The following ABCG5 variants were observed in gnomAD, a reference collection of about 807,000 sequenced individuals.
ABCG5 encodes ATP-binding cassette sub-family G member 5.
ABCG5 carries 64 observed loss-of-function variants against 64.5 expected under a neutral mutation model. That is an observed-to-expected ratio of 0.99 (90% CI 0.81 to 1.22). The LOEUF (loss-of-function observed/expected upper bound fraction) is 1.22. Among genes scored for constraint, ABCG5 ranks in the 50% most tolerant of loss-of-function variants. ABCG5 has a pLI of 0.00. For missense variants in ABCG5, 908 were observed against 829.5 expected, an observed-to-expected ratio of 1.09 and a Z score of -1.16; for synonymous variants, 385 against 326.3, an observed-to-expected ratio of 1.18 and a Z score of -1.94.
intron 4 of ABCG5, among the ~76,000 whole-genome samples, chr2:43,830,871 G>A (rs914891965): frequency 6.6e-6 from 1 of 152,246 alleles, no homozygotes; most frequent in African/African-American, 2.4e-5. Flanking sequence ...GAACCTAGAA[G>A]GAGTTGACAA....
downstream of ABCG5, among the ~76,000 whole-genome samples, chr2:43,809,240 C>A (rs1666391858): frequency 6.6e-6 from 1 of 152,182 alleles, no homozygotes; most frequent in Non-Finnish European, 1.5e-5. Context: ...AATTCTCCTG[C>A]CCCAGCCTCC....
intron 7 of ABCG5, 33 bp downstream of exon 7, chr2:43,824,856 A>G (rs375472612): frequency 5.6e-6 from 9 of 1,612,522 alleles, no homozygotes; most frequent in Non-Finnish European, 5.9e-6. Flanking sequence ...TTTAAAAAAC[A>G]TTCATGATGG....
chr2:43,824,434 T>TA lies in ABCG5; in HGVS notation c.905-3dup, dbSNP rs142037828. The TA allele has an allele frequency of 7.1e-4, 1,144 of 1,613,636 alleles. 32 individuals are homozygous for TA. In the East Asian group the frequency reaches 0.025, roughly 36 times the overall value. ...GGGTATCCACTGACGTCAGGTCCAC[T>TA]AAAAGTTTTTCCCAAAAGATGTCAC... On this transcript the variant is annotated splice_region_variant and splice_polypyrimidine_tract_variant and intron_variant, in intron 7 of 12. Transcript: ENST00000405322.
chr2:43,809,232 T>C (rs560733775), downstream of ABCG5, among the ~76,000 whole-genome samples: 3 of 152,252 alleles, frequency 2.0e-5, no homozygotes, highest in East Asian at 1.9e-4. Flanking sequence ...GCTCAAGCAA[T>C]TCTCCTGCCC....
At chr2:43,832,325 A>G in intron 2 of ABCG5, 1 of 597,532 alleles carries the variant, frequency 1.7e-6, no homozygotes, top group Non-Finnish European at 3.0e-6. Context: ...GGGACATGCC[A>G]TTTCTCTCAT....
Position 43,824,965 on chromosome 2 carries a change from C to A in ABCG5, c.828G>T (p.Thr276=), listed in dbSNP as rs539178581. 5.6e-6 allele frequency: 9 copies of A among 1,613,948 alleles called. No homozygotes were observed. In the South Asian group the frequency reaches 9.9e-5, roughly 18 times the overall value. ...LSFGELIFCG[T]PAEMLDFFND... is the part of the protein sequence containing the mutation. ...TGAAGAAATCAAGCATTTCCGCTGG[C>A]GTGCCACAGAAAATCAGCTCTCCGA... The change falls in exon 7 of 13, where the codon ACG becomes ACT. Residue 276 remains threonine (T), a synonymous_variant. Transcript: ENST00000405322.
chr2:43,832,237 C>T (rs768802295), intron 2 of ABCG5, 154 bp from the exon 3 acceptor site: 1 of 1,060,238 alleles, frequency 9.4e-7, no homozygotes, highest in Non-Finnish European at 1.4e-6. Flanking sequence ...GGATACAGGC[C>T]CTGCCCTATG....
intron 4 of ABCG5, among the ~76,000 whole-genome samples, chr2:43,831,033 T>C (rs546252978): frequency 6.6e-6 from 1 of 152,308 alleles, no homozygotes; most frequent in South Asian, 2.1e-4. Flanking sequence ...AGAAGGGTAA[T>C]GCAAGCCACA....
chr2:43,808,279 A>T (rs1373766470), downstream of ABCG5, among the ~76,000 whole-genome samples: 1 of 151,638 alleles, frequency 6.6e-6, no homozygotes, highest in African/African-American at 2.4e-5. Flanking sequence ...AAAAAAACAC[A>T]CAAGGAAAAA....
intron 4 of ABCG5, among the ~76,000 whole-genome samples, chr2:43,829,800 T>C (rs897498031): frequency 1.3e-5 from 2 of 152,198 alleles, no homozygotes; most frequent in Non-Finnish European, 2.9e-5. Flanking sequence ...ATAAGCTAGA[T>C]TGCAGAAGAA....
intron 2 of ABCG5, 164 bp from the exon 3 acceptor site, chr2:43,832,247 G>A: frequency 1.1e-6 from 1 of 940,770 alleles, no homozygotes; most frequent in Non-Finnish European, 1.6e-6. Context: ...CCTGCCCTAT[G>A]GAACGCGCAC....
At position 43,828,738 on chromosome 2, in the gene ABCG5, G is replaced by C. The variant is rs189839071; in HGVS notation, c.502-623C>G. Among the ~76,000 whole-genome samples, 1,206 of 152,112 alleles carry C rather than the reference G, an allele frequency of 7.9e-3. 39 individuals carry two copies. Among genetic ancestry groups the C allele is most frequent in the Admixed American group, 0.065 (994 of 15,268 alleles). ...CCCAGCACTTTGGGAGGTCGAGGTG[G>C]GTGGATCACTTGAGGTCAGGAGTTC... On this transcript the variant is annotated intron_variant, in intron 4 of 12. Coordinates refer to ENST00000405322, the MANE Select transcript of ABCG5 (RefSeq NM_022436.3).
rs550243031 is a variant in ABCG5, at chr2:43,826,780, G to A, written c.635-259C>T. On this transcript the variant is annotated intron_variant, in intron 5 of 12. Transcript: ENST00000405322. ...GGAGTAAGGAGATCAGGCCTCTTAC[G>A]GGCCATCTGGGCTCTGCTCAGGGCA... is the stretch of plus-strand genomic sequence containing the variant. Among the ~76,000 whole-genome samples the A allele has an allele frequency of 9.9e-5, 15 of 152,284 alleles. No individual in the cohort carries two copies. In the South Asian group the frequency reaches 1.5e-3, roughly 15 times the overall value.
At chr2:43,832,310 G>A (rs1668000154) in intron 2 of ABCG5, 1 of 610,212 alleles carries the variant, frequency 1.6e-6, no homozygotes, top group African/African-American at 1.8e-5. Context: ...TCCCCTGAGT[G>A]AGAGGGGACA....
At chr2:43,808,705 C>T (rs1558704465), downstream of ABCG5, among the ~76,000 whole-genome samples, 1 of 152,108 alleles carries the variant, frequency 6.6e-6, no homozygotes, top group African/African-American at 2.4e-5. Flanking sequence ...ATGGAAGTAT[C>T]CTGCCCTCTC....
intron 7 of ABCG5, 185 bp from the exon 8 acceptor site, chr2:43,824,617 T>A (rs1250780895): frequency 2.0e-6 from 2 of 985,318 alleles, no homozygotes; most frequent in East Asian, 2.3e-4. Flanking sequence ...AGGATCCCAT[T>A]GGGATTGTCT....
intron 4 of ABCG5, among the ~76,000 whole-genome samples, chr2:43,829,915 T>A (rs141132445): frequency 2.0e-5 from 3 of 152,124 alleles, no homozygotes; most frequent in African/African-American, 7.2e-5. Flanking sequence ...CTGAAATAGG[T>A]ACAAAGGAAT....
rs191973821 is a variant in ABCG5, at chr2:43,825,637, G to A, written c.775-619C>T. Among the ~76,000 whole-genome samples, 236 of 152,152 alleles carry A rather than the reference G, an allele frequency of 1.6e-3. 1 individual carries two copies. Among genetic ancestry groups the A allele is most frequent in the South Asian group, 1.0e-2 (48 of 4,816 alleles). On this transcript the variant is annotated intron_variant, in intron 6 of 12. Coordinates refer to ENST00000405322, the MANE Select transcript of ABCG5 (RefSeq NM_022436.3). ...TGTTGTTGTTGTTGTTTCTGAGACC[G>A]AATCTCACTCTGTCACCCAGGCTGG... is the stretch of plus-strand genomic sequence containing the variant.
At chr2:43,815,856 C>T (rs1221529075) in intron 11 of ABCG5, among the ~76,000 whole-genome samples, 1 of 144,008 alleles carries the variant, frequency 6.9e-6, no homozygotes, top group Non-Finnish European at 1.5e-5. Context: ...AGAAAATTAA[C>T]GTGACTCCAG....
Sources: gnomAD v4.1 joint callset for allele counts (sites outside exome capture counted in the v4.1 genomes callset) on GRCh38, gnomAD v4.1.1 for gene constraint, MANE v1.5 for transcripts, NCBI Gene and HGNC (gene_info 2026-07-23, HGNC 2026-07-21) for gene names.